The following PHF2 variants were observed in gnomAD, a reference collection of about 807,000 sequenced individuals.
The protein encoded by PHF2 is lysine-specific demethylase PHF2.
In PHF2, 27 loss-of-function variants were observed where a neutral mutation model predicts 120.5. That is an observed-to-expected ratio of 0.22 (90% CI 0.17 to 0.31). PHF2 has a LOEUF of 0.31. Among genes scored for constraint, PHF2 ranks in the 10% least tolerant of loss-of-function variants. The probability of loss-of-function intolerance (pLI) is 1.00; values close to 1 mark genes in which losing one functional copy is unlikely to be tolerated. For synonymous variants in PHF2, 568 were observed against 592.5 expected (o/e 0.96, Z 0.60); for missense variants, 1,024 against 1,434.8 (o/e 0.71, Z 4.63).
At chr9:93,626,750 T>G (rs1825920660) in intron 1 of PHF2, among the ~76,000 whole-genome samples, 1 of 152,214 alleles carries the variant, frequency 6.6e-6, no homozygotes, top group Admixed American at 6.5e-5. Context: ...CTAGTTAATT[T>G]TTGTATGTGG....
At chr9:93,603,311 G>A (rs1162335458) in intron 1 of PHF2, among the ~76,000 whole-genome samples, 3 of 152,184 alleles carry the variant, frequency 2.0e-5, no homozygotes, top group African/African-American at 4.8e-5. Flanking sequence ...CTGCCCTCCC[G>A]ACCCCGACTT....
Position 93,656,692 on chromosome 9 carries a change from C to A in PHF2, c.1147+97C>A. On this transcript the variant is annotated intron_variant, in intron 9 of 21. Coordinates refer to ENST00000359246, the MANE Select transcript of PHF2 (RefSeq NM_005392.4). This position sits in a 1 kb window ranked among gnomAD's most constrained non-coding sequence, Gnocchi z 4.1. ...GCTGACTGTCTGGGTGTGAGTGCCG[C>A]CTTCCTGTGGCCTGAGCAAGTCCTC... The A allele has an allele frequency of 1.2e-6, 1 of 809,676 alleles. No homozygotes were observed. Among genetic ancestry groups the A allele is most frequent in the Non-Finnish European group, 2.1e-6 (1 of 481,420 alleles). The allele number at this position is 809,676 out of a possible 1,614,324, so 50.2% of individuals were successfully genotyped here. A position where few individuals can be genotyped will look rare whatever the true frequency, so the allele number is the denominator to read the frequency against.
chr9:93,626,923 A>G (rs1433202617), intron 1 of PHF2, among the ~76,000 whole-genome samples: 2 of 152,206 alleles, frequency 1.3e-5, no homozygotes, highest in African/African-American at 4.8e-5. Flanking sequence ...TTTTAGTTCT[A>G]TTCCATTGAT....
chr9:93,649,710 A>G (rs900553470), intron 5 of PHF2, among the ~76,000 whole-genome samples: 5 of 151,880 alleles, frequency 3.3e-5, no homozygotes, highest in Non-Finnish European at 5.9e-5. Flanking sequence ...TGACTCATGG[A>G]CACTCCAATG....
chr9:93,626,335 G>A (rs1825914004), intron 1 of PHF2, among the ~76,000 whole-genome samples: 1 of 152,218 alleles, frequency 6.6e-6, no homozygotes, highest in East Asian at 1.9e-4. Context: ...GACTGAGAAT[G>A]TTGAGCTTCT....
chr9:93,644,491 C>T (rs1027737200), intron 3 of PHF2, among the ~76,000 whole-genome samples: 10 of 152,098 alleles, frequency 6.6e-5, no homozygotes, highest in Non-Finnish European at 1.5e-4. Flanking sequence ...CCTCCAGCTG[C>T]GGCTCCTGTC....
At chr9:93,614,800 G>T (rs1364112189) in intron 1 of PHF2, among the ~76,000 whole-genome samples, 1 of 151,988 alleles carries the variant, frequency 6.6e-6, no homozygotes, top group Non-Finnish European at 1.5e-5. Flanking sequence ...GATGATGATG[G>T]TAATGATAGT....
At chr9:93,640,221 T>C (rs1207898528) in intron 3 of PHF2, among the ~76,000 whole-genome samples, 1 of 152,208 alleles carries the variant, frequency 6.6e-6, no homozygotes, top group African/African-American at 2.4e-5. Flanking sequence ...TTTGGTTTCA[T>C]GTCTGCCATT....
At chr9:93,649,835 A>C (rs541120390) in intron 5 of PHF2, among the ~76,000 whole-genome samples, 4 of 152,206 alleles carry the variant, frequency 2.6e-5, no homozygotes, top group African/African-American at 9.6e-5. Context: ...ACCTACTCAC[A>C]GACACCAACG....
chr9:93,609,121 G>T (rs182985122), intron 1 of PHF2, among the ~76,000 whole-genome samples: 9 of 97,126 alleles, frequency 9.3e-5, no homozygotes, highest in Admixed American at 3.0e-4. Flanking sequence ...TGCGATATAC[G>T]TTTATGACTA....
intron 12 of PHF2, 101 bp from the exon 13 acceptor site, chr9:93,662,805 CT>C: frequency 7.1e-7 from 1 of 1,416,864 alleles, no homozygotes; most frequent in Non-Finnish European, 9.8e-7. Context: ...GAGGCTTGAG[CT>C]GCAAGCACAT....
chr9:93,649,810 T>C (rs12237139), intron 5 of PHF2, among the ~76,000 whole-genome samples: 3,035 of 152,216 alleles, frequency 0.02, 67 homozygotes, highest in East Asian at 0.1. Context: ...ACACCTGCAG[T>C]CATGACACAC....
At chr9:93,587,832 A>C (rs1051311296) in intron 1 of PHF2, among the ~76,000 whole-genome samples, 2 of 152,116 alleles carry the variant, frequency 1.3e-5, no homozygotes, top group Non-Finnish European at 2.9e-5. Context: ...CTAGTGGCCA[A>C]CTGTCCCTGG....
intron 1 of PHF2, among the ~76,000 whole-genome samples, chr9:93,620,224 C>G (rs891653648): frequency 6.6e-6 from 1 of 152,222 alleles, no homozygotes; most frequent in Non-Finnish European, 1.5e-5. Context: ...GAGAGGCCCA[C>G]CTTCTGTCTT....
intron 17 of PHF2, chr9:93,672,405 CA>C (rs1308653681): frequency 3.0e-6 from 1 of 335,430 alleles, no homozygotes; most frequent in African/African-American, 5.6e-5. Context: ...GGTGCAGGTG[CA>C]GGTGTGGGTG....
intron 3 of PHF2, among the ~76,000 whole-genome samples, chr9:93,638,755 G>T (rs1418122462): frequency 6.6e-6 from 1 of 152,158 alleles, no homozygotes; most frequent in Non-Finnish European, 1.5e-5. Flanking sequence ...GTCTCACTCT[G>T]TCACCCAGGC....
intron 17 of PHF2, 32 bp downstream of exon 17, chr9:93,667,272 C>T (rs369805959): frequency 6.8e-5 from 109 of 1,594,664 alleles, no homozygotes; most frequent in Admixed American, 1.1e-4. Flanking sequence ...CACCCAAGAG[C>T]GGGGACCAGG....
chr9:93,591,953 G>A (rs1564373504), intron 1 of PHF2, among the ~76,000 whole-genome samples: 1 of 152,230 alleles, frequency 6.6e-6, no homozygotes, highest in African/African-American at 2.4e-5. Flanking sequence ...CCTGCCCGAG[G>A]GCATTGCTGG....
At chr9:93,643,966 G>A (rs1010752791) in intron 3 of PHF2, among the ~76,000 whole-genome samples, 1 of 151,928 alleles carries the variant, frequency 6.6e-6, no homozygotes, top group Non-Finnish European at 1.5e-5. Flanking sequence ...CCCTTTCCCT[G>A]CCCCCTAGTC....
Sources: allele counts gnomAD v4.1 joint callset (sites outside exome capture counted in the v4.1 genomes callset), GRCh38; gene constraint gnomAD v4.1.1; non-coding constraint Gnocchi (gnomAD v3.1); transcripts MANE v1.5; gene names NCBI Gene and HGNC (gene_info 2026-07-23, HGNC 2026-07-21).